Variants in SLC11A2 observed in about 807,000 individuals in gnomAD.
The protein encoded by SLC11A2 is solute carrier family 11 member 2.
SLC11A2 carries 38 observed loss-of-function variants against 68.0 expected under a neutral mutation model. The observed-to-expected ratio is 0.56, with a 90% confidence interval of 0.43 to 0.73. The LOEUF is 0.73. Among genes scored for constraint, SLC11A2 ranks in the 30% least tolerant of loss-of-function variants. The probability of loss-of-function intolerance (pLI) is 0.00; values close to 1 mark genes in which losing one functional copy is unlikely to be tolerated. For synonymous variants in SLC11A2, 242 were observed against 250.6 expected (o/e 0.97, Z 0.32); for missense variants, 517 against 690.5 (o/e 0.75, Z 2.82).
At chr12:51,027,435 G>A (rs1043712950), upstream of SLC11A2, among the ~76,000 whole-genome samples, 1 of 151,568 alleles carries the variant, frequency 6.6e-6, no homozygotes, top group Non-Finnish European at 1.5e-5. Context: ...CCACACCTGG[G>A]AGGAACCGAG....
chr12:51,017,495 AGG>A, intron 1 of SLC11A2, among the ~76,000 whole-genome samples: 1 of 152,338 alleles, frequency 6.6e-6, no homozygotes, highest in East Asian at 1.9e-4. Context: ...CCCTGAGAGA[AGG>A]AAGGAGTAGG....
At chr12:51,016,251 A>G (rs1229191072) in intron 1 of SLC11A2, among the ~76,000 whole-genome samples, 1 of 152,118 alleles carries the variant, frequency 6.6e-6, no homozygotes, top group African/African-American at 2.4e-5. Context: ...ATATACAAAA[A>G]TTAGCTAGGT....
At chr12:50,979,064 A>G (rs551419182), downstream of SLC11A2, among the ~76,000 whole-genome samples, 4 of 152,348 alleles carry the variant, frequency 2.6e-5, no homozygotes, top group African/African-American at 7.2e-5. Flanking sequence ...AACCCCAGGA[A>G]TTAAGTGAAT....
In SLC11A2 at chr12:51,010,769, G is replaced by A. The variant is rs886049569; in HGVS notation, c.-38-3C>T. ...GGCTGAGTTCTTAGAATATGATTCT[G>A]GAAAGGAGAAAAGTGAGGGAGAAGA... is the stretch of plus-strand genomic sequence containing the variant. On this transcript the variant is annotated splice_polypyrimidine_tract_variant and splice_region_variant and intron_variant, in intron 1 of 15. Coordinates refer to ENST00000262052, the MANE Select transcript of SLC11A2 (RefSeq NM_000617.3). The A allele has an allele frequency of 6.3e-7, 1 of 1,581,902 alleles. No individual in the cohort carries two copies.
chr12:50,957,624 C>T, the SLC11A2 span, among the ~76,000 whole-genome samples: 2 of 151,912 alleles, frequency 1.3e-5, no homozygotes, highest in Admixed American at 1.3e-4. Context: ...GTGGCTCACG[C>T]CTATAATCCC....
At chr12:51,028,232 G>T, upstream of SLC11A2, 1 of 1,534,704 alleles carries the variant, frequency 6.5e-7, no homozygotes, top group Non-Finnish European at 8.7e-7. Flanking sequence ...TCATGGTGCA[G>T]AACTAGTTTG....
chr12:50,987,194 G>A lies in SLC11A2; in HGVS notation c.*1131C>T, dbSNP rs1447776505. ...TTCCCTCTGAGGAAACAGCTGTAGA[G>A]AGGTAGCCCAGTTCAACTTTGCTGA... On this transcript the variant is annotated 3_prime_UTR_variant, in exon 16 of 16. Coordinates refer to ENST00000262052, the MANE Select transcript of SLC11A2 (RefSeq NM_000617.3). 25 of 1,286,750 alleles carry A rather than the reference G, an allele frequency of 1.9e-5. No homozygotes were observed. The highest frequency in any genetic ancestry group is 2.5e-5 in the Non-Finnish European group (25 of 988,464). 79.7% of individuals were successfully genotyped at this position (1,286,750 alleles called of 1,614,324 possible).
intron 10 of SLC11A2, 71 bp downstream of exon 10, chr12:50,995,558 C>A (rs1941627909): frequency 3.5e-6 from 5 of 1,418,812 alleles, no homozygotes; most frequent in Non-Finnish European, 4.0e-6. Flanking sequence ...GAGGTATTTT[C>A]CTTCCCCATC....
chr12:50,981,977 A>G (rs923714950), downstream of SLC11A2, among the ~76,000 whole-genome samples: 1 of 152,224 alleles, frequency 6.6e-6, no homozygotes, highest in African/African-American at 2.4e-5. Flanking sequence ...GGCTTCTGAT[A>G]TGCAAAATAA....
Position 50,986,996 on chromosome 12 carries a change from TA to T in SLC11A2, c.*1328del. 4 of 1,286,030 alleles carry T rather than the reference TA, an allele frequency of 3.1e-6. No individual in the cohort carries two copies. The highest frequency in any genetic ancestry group is 4.0e-6 in the Non-Finnish European group (4 of 987,984). The allele number at this position is 1,286,030 out of a possible 1,614,324, so 79.7% of individuals were successfully genotyped here. A position where few individuals can be genotyped will look rare whatever the true frequency, so the allele number is the denominator to read the frequency against. ...ACTGTTCTCACCAAATCAATGACTA[TA>T]AAACAGTTTTGATTATTTATCTCCA... On this transcript the variant is annotated 3_prime_UTR_variant, in exon 16 of 16. Coordinates refer to ENST00000262052, the MANE Select transcript of SLC11A2 (RefSeq NM_000617.3).
At chr12:50,967,450 A>ATTT in the SLC11A2 span, among the ~76,000 whole-genome samples, 1 of 151,906 alleles carries the variant, frequency 6.6e-6, no homozygotes, top group Admixed American at 6.6e-5. Context: ...CCTGGCCTTT[A>ATTT]TTTTTTGTAG....
chr12:51,027,168 C>T (rs1944426764), upstream of SLC11A2, among the ~76,000 whole-genome samples: 1 of 85,986 alleles, frequency 1.2e-5, no homozygotes, highest in Non-Finnish European at 2.5e-5. Flanking sequence ...AGAGCGAAAA[C>T]TCCGTCTAAA....
chr12:50,965,415 G>A, the SLC11A2 span, among the ~76,000 whole-genome samples: 2 of 151,642 alleles, frequency 1.3e-5, no homozygotes, highest in South Asian at 2.1e-4. Context: ...CAGCCACCGT[G>A]CCCAGCCACT....
At chr12:51,017,058 C>A (rs192141246) in intron 1 of SLC11A2, among the ~76,000 whole-genome samples, 1 of 150,708 alleles carries the variant, frequency 6.6e-6, no homozygotes, top group Non-Finnish European at 1.5e-5. Context: ...AAAATGCTAA[C>A]AAAATTTTAT....
the SLC11A2 span, among the ~76,000 whole-genome samples, chr12:50,969,908 C>T: frequency 6.6e-6 from 1 of 152,014 alleles, no homozygotes; most frequent in East Asian, 1.9e-4. Flanking sequence ...ATCCTTGGAA[C>T]TCATTAAAGC....
chr12:51,007,699 A>G (rs224593), intron 3 of SLC11A2, among the ~76,000 whole-genome samples: 138,198 of 151,844 alleles, frequency 0.91, 63,165 homozygotes, highest in East Asian at 0.98. Flanking sequence ...GGAGTACCAT[A>G]GCATGATCTT....
chr12:51,011,142 T>C (rs1302738388), intron 1 of SLC11A2, among the ~76,000 whole-genome samples: 5 of 147,346 alleles, frequency 3.4e-5, no homozygotes, highest in Non-Finnish European at 6.0e-5. Context: ...TTTTTTTGAG[T>C]CTTTGAGTCG....
At chr12:51,007,753 A>G (rs143055935) in intron 3 of SLC11A2, among the ~76,000 whole-genome samples, 2 of 148,588 alleles carry the variant, frequency 1.3e-5, no homozygotes, top group African/African-American at 5.0e-5. Context: ...TGATCCTTCC[A>G]CCTCAGCCTC....
chr12:50,962,082 C>T, the SLC11A2 span, among the ~76,000 whole-genome samples: 58 of 152,192 alleles, frequency 3.8e-4, no homozygotes, highest in African/African-American at 1.3e-3. Context: ...TTATAGATGC[C>T]GTGACAGAAA....
Sources: allele counts gnomAD v4.1 joint callset (sites outside exome capture counted in the v4.1 genomes callset), GRCh38; gene constraint gnomAD v4.1.1; transcripts MANE v1.5; gene names NCBI Gene and HGNC (gene_info 2026-07-23, HGNC 2026-07-21).